ANP32B: variants seen among roughly 807,000 people sequenced by gnomAD.
ANP32B encodes the protein acidic nuclear phosphoprotein 32 family member B.
A neutral mutation model predicts 32.2 loss-of-function variants in ANP32B; 6 were observed. That is an observed-to-expected ratio of 0.19 (90% CI 0.10 to 0.37). The LOEUF (loss-of-function observed/expected upper bound fraction) is 0.37. Among genes scored for constraint, ANP32B ranks in the 10% least tolerant of loss-of-function variants. ANP32B has a pLI of 1.00. For synonymous variants in ANP32B, 98 were observed against 105.8 expected, an observed-to-expected ratio of 0.93 and a Z score of 0.45; for missense variants, 204 against 289.2, an observed-to-expected ratio of 0.71 and a Z score of 2.14.
intron 1 of ANP32B, among the ~76,000 whole-genome samples, chr9:97,987,177 AT>A (rs971251179): frequency 6.6e-6 from 1 of 152,122 alleles, no homozygotes; most frequent in Non-Finnish European, 1.5e-5. Context: ...GAAATACAGA[AT>A]TTTATTTATT....
intron 4 of ANP32B, 47 bp downstream of exon 4, chr9:98,005,200 C>A: frequency 6.3e-7 from 1 of 1,578,634 alleles, no homozygotes; most frequent in Non-Finnish European, 8.6e-7. Flanking sequence ...CCTTTCAAAG[C>A]CTCTGATAAA....
At chr9:97,984,854 G>T (rs1028753090) in intron 1 of ANP32B, among the ~76,000 whole-genome samples, 1 of 150,366 alleles carries the variant, frequency 6.7e-6, no homozygotes, top group Non-Finnish European at 1.5e-5. Flanking sequence ...GGGCGCGCGG[G>T]ATTTTGGGCG....
chr9:97,985,137 T>C (rs1319019754), intron 1 of ANP32B, among the ~76,000 whole-genome samples: 2 of 151,260 alleles, frequency 1.3e-5, no homozygotes, highest in African/African-American at 2.4e-5. Flanking sequence ...GCCAGTGGCT[T>C]TCCCGCGGAG....
intron 4 of ANP32B, among the ~76,000 whole-genome samples, chr9:98,006,044 G>T (rs1440506170): frequency 6.6e-6 from 1 of 152,190 alleles, no homozygotes; most frequent in Non-Finnish European, 1.5e-5. Context: ...ATGTGAGGGG[G>T]CTAGGTTGTG....
chr9:98,008,111 G>GT (rs1424431943), intron 4 of ANP32B, among the ~76,000 whole-genome samples: 2 of 152,114 alleles, frequency 1.3e-5, no homozygotes, highest in Admixed American at 1.3e-4. Context: ...CCATTAGCTA[G>GT]TTTTCCTGAT....
chr9:98,006,276 T>G (rs148157797), intron 4 of ANP32B, among the ~76,000 whole-genome samples: 36 of 152,332 alleles, frequency 2.4e-4, no homozygotes, highest in African/African-American at 8.2e-4. Flanking sequence ...TGGCAGGCTT[T>G]ATAGTGGCAA....
At chr9:97,984,693 G>T (rs890236045) in intron 1 of ANP32B, 1 of 150,762 alleles carries the variant, frequency 6.6e-6, no homozygotes. Flanking sequence ...CGAGCCCTCG[G>T]TCTGTTTCCC....
At chr9:98,011,440 G>C (rs1413156691) in intron 5 of ANP32B, 51 bp downstream of exon 5, 12 of 1,545,632 alleles carry the variant, frequency 7.8e-6, no homozygotes, top group Non-Finnish European at 9.6e-6. Context: ...TACAACAAAA[G>C]TGGGGGTTTC....
Position 97,998,715 on chromosome 9 carries a change from G to A in ANP32B, c.327+37G>A, listed in dbSNP as rs1564138258. ...AGAATTTGGAAACTGGAACTTACTG[G>A]TCATTTTCATTTTCATATTTCTTTA... On this transcript the variant is annotated intron_variant, in intron 3 of 6. Coordinates refer to ENST00000339399, the MANE Select transcript of ANP32B (RefSeq NM_006401.3). 6.1e-6 allele frequency: 9 copies of A among 1,480,904 alleles called. No individual in the cohort carries two copies. The Admixed American group carries it at 9.4e-5, about 15-fold the overall frequency. 91.7% of individuals were successfully genotyped at this position (1,480,904 alleles called of 1,614,324 possible). A position where few individuals can be genotyped will look rare whatever the true frequency, so the allele number is the denominator to read the frequency against.
intron 2 of ANP32B, 87 bp from the exon 3 acceptor site, chr9:97,998,469 A>C: frequency 7.3e-7 from 1 of 1,368,860 alleles, no homozygotes; most frequent in East Asian, 2.6e-5. Flanking sequence ...AATCTTTGAG[A>C]ACTGTATTTG....
In ANP32B at chr9:98,011,323, TGATGAAGAA is replaced by T. The variant is rs755544487; in HGVS notation, c.576_584del (p.Glu192_Asp194del). The stretch of plus-strand genomic sequence containing the variant: ...ATGAGGATGGTGAAGAAGAGGAGTT[TGATGAAGAA>T]GATGATGAAGATGAAGATGTAGAAG... On this transcript the variant is annotated inframe_deletion, in exon 5 of 7. Transcript: ENST00000339399. The T allele has an allele frequency of 1.2e-5, 18 of 1,549,928 alleles. No homozygotes were observed. In the East Asian group the frequency reaches 4.4e-4, roughly 37 times the overall value.
chr9:97,998,642 A>G lies in ANP32B; in HGVS notation c.291A>G (p.Gly97=). The change falls in exon 3 of 7, where the codon GGA becomes GGG. Residue 97 remains glycine, a synonymous_variant. Coordinates refer to ENST00000339399, the MANE Select transcript of ANP32B (RefSeq NM_006401.3). ...ATCTCACACATCTAAACTTAAGTGG[A>G]AATAAACTGAAAGATATCAGCACCT... ...LPNLTHLNLS[G]NKLKDISTLE... 2 of 1,611,184 alleles carry G rather than the reference A, an allele frequency of 1.2e-6. No individual in the cohort carries two copies. Among genetic ancestry groups the G allele is most frequent in the Non-Finnish European group, 1.7e-6 (2 of 1,179,034 alleles).
intron 3 of ANP32B, among the ~76,000 whole-genome samples, chr9:98,000,868 G>A (rs1827977808): frequency 6.7e-6 from 1 of 150,360 alleles, no homozygotes. Context: ...GTTGCAGTGA[G>A]CTGAGATCAT....
At chr9:97,999,279 A>G (rs1169591924) in intron 3 of ANP32B, among the ~76,000 whole-genome samples, 2 of 152,126 alleles carry the variant, frequency 1.3e-5, no homozygotes, top group Admixed American at 6.5e-5. Context: ...AAATTCATGT[A>G]TTGACTATAT....
In ANP32B at chr9:97,983,394, TCCGCTCGCCTGC is replaced by T. The variant is rs1349871421; in HGVS notation, c.-157_-146del. The T allele has an allele frequency of 5.1e-6, 3 of 582,810 alleles. No homozygotes were observed. The highest frequency in any genetic ancestry group is 9.0e-6 in the Non-Finnish European group (3 of 333,920). The allele number at this position is 582,810 out of a possible 1,614,324, so 36.1% of individuals were successfully genotyped here. The stretch of plus-strand genomic sequence containing the variant: ...CCGTGAGTAACTTGGCTCCGGGGGC[TCCGCTCGCCTGC>T]CCGCACGCCGCCCGCCACCCAGGAC... On this transcript the variant is annotated 5_prime_UTR_variant, in exon 1 of 7. Coordinates refer to ENST00000339399, the MANE Select transcript of ANP32B (RefSeq NM_006401.3).
chr9:97,985,472 A>G (rs1158397646), intron 1 of ANP32B, among the ~76,000 whole-genome samples: 1 of 152,158 alleles, frequency 6.6e-6, no homozygotes. Context: ...GTGCTAGCCT[A>G]TCGCCCAGCT....
At chr9:98,006,998 C>G (rs1309554923) in intron 4 of ANP32B, among the ~76,000 whole-genome samples, 2 of 150,980 alleles carry the variant, frequency 1.3e-5, no homozygotes, top group East Asian at 3.9e-4. Flanking sequence ...AAAAAACAAA[C>G]AAACAAAAAA....
At chr9:98,011,574 T>G (rs112947186) in intron 5 of ANP32B, among the ~76,000 whole-genome samples, 185 bp downstream of exon 5, 4 of 152,324 alleles carry the variant, frequency 2.6e-5, no homozygotes, top group African/African-American at 9.6e-5. Flanking sequence ...CTAAATAGAA[T>G]GCCTACTGAA....
intron 1 of ANP32B, among the ~76,000 whole-genome samples, chr9:97,991,430 T>TA (rs1292911876): frequency 6.6e-6 from 1 of 152,188 alleles, no homozygotes; most frequent in African/African-American, 2.4e-5. Flanking sequence ...CAGTTTTTTT[T>TA]AGTGTTGGCT....
Sources: allele counts gnomAD v4.1 joint callset (sites outside exome capture counted in the v4.1 genomes callset), GRCh38; gene constraint gnomAD v4.1.1; transcripts MANE v1.5; gene names NCBI Gene and HGNC (gene_info 2026-07-23, HGNC 2026-07-21).